Variants in PCDH15 observed in about 807,000 individuals in gnomAD.
PCDH15 encodes protocadherin related 15, also known as protocadherin-15.
A neutral mutation model predicts 178.5 loss-of-function variants in PCDH15; 129 were observed. The observed-to-expected ratio is 0.72, with a 90% confidence interval of 0.63 to 0.84. PCDH15 has a LOEUF of 0.84. Ranked by LOEUF, PCDH15 falls within the 40% of genes least tolerant of loss-of-function variation. The pLI, the probability that PCDH15 is intolerant of heterozygous loss-of-function variation, is 0.00. For synonymous variants in PCDH15, 800 were observed against 732.0 expected (o/e 1.09, Z -1.50); for missense variants, 2,230 against 2,099.9 (o/e 1.06, Z -1.21).
At chr10:54,519,679 C>G (rs1323757463) in intron 3 of PCDH15, among the ~76,000 whole-genome samples, 4 of 152,116 alleles carry the variant, frequency 2.6e-5, no homozygotes, top group African/African-American at 9.7e-5. Flanking sequence ...ATCAAGCTAT[C>G]AAGGACTTTC....
intron 2 of PCDH15, among the ~76,000 whole-genome samples, chr10:54,593,665 G>A (rs929482163): frequency 1.3e-5 from 2 of 151,992 alleles, no homozygotes; most frequent in Admixed American, 6.6e-5. Context: ...GGAGTTTATT[G>A]TGGTTCCATA....
At position 54,151,882 on chromosome 10, in the gene PCDH15, G is replaced by A. The variant is rs531306546; in HGVS notation, c.1784+1218C>T. 7.8e-4 allele frequency among the ~76,000 whole-genome samples: 118 copies of A among 152,236 alleles called. 1 individual carries two copies. Among genetic ancestry groups the A allele is most frequent in the African/African-American group, 2.8e-3 (115 of 41,550 alleles). The stretch of plus-strand genomic sequence containing the variant: ...ATTTTGGAGGGAAAACAGCATTGAG[G>A]TAAGTTAGTAGCACCAGAGGATAGA... On this transcript the variant is annotated intron_variant, in intron 14 of 37. Coordinates refer to ENST00000644397, the MANE Select transcript of PCDH15 (RefSeq NM_001384140.1).
intron 2 of PCDH15, among the ~76,000 whole-genome samples, chr10:55,094,128 A>G (rs999730531): frequency 3.9e-5 from 6 of 152,162 alleles, no homozygotes; most frequent in African/African-American, 1.4e-4. Flanking sequence ...AATAGCAAAG[A>G]CTTGGAACCA....
At chr10:55,428,291 TTATC>T (rs974322147) in intron 2 of PCDH15, among the ~76,000 whole-genome samples, 2 of 151,298 alleles carry the variant, frequency 1.3e-5, no homozygotes, top group African/African-American at 4.9e-5. Context: ...AATTGTGTAT[TTATC>T]TATTTCTTCT....
At chr10:54,808,029 T>C (rs1359141783) in intron 3 of PCDH15, among the ~76,000 whole-genome samples, 1 of 151,298 alleles carries the variant, frequency 6.6e-6, no homozygotes, top group Non-Finnish European at 1.5e-5. Context: ...TTTCAACAAA[T>C]ATTAGCCGAG....
chr10:54,389,987 T>G (rs764841484), intron 3 of PCDH15, among the ~76,000 whole-genome samples: 1 of 152,030 alleles, frequency 6.6e-6, no homozygotes, highest in Non-Finnish European at 1.5e-5. Context: ...TTCTGATGCT[T>G]GTTGAAATTT....
intron 2 of PCDH15, among the ~76,000 whole-genome samples, chr10:55,022,463 A>AC (rs1388111736): frequency 6.6e-6 from 1 of 151,466 alleles, no homozygotes; most frequent in African/African-American, 2.4e-5. Context: ...AAAAAAAAAA[A>AC]AAAAAAGGAA....
At chr10:54,369,426 G>A in intron 4 of PCDH15, 151 bp from the exon 5 acceptor site, 1 of 775,326 alleles carries the variant, frequency 1.3e-6, no homozygotes, top group Admixed American at 2.5e-5. Flanking sequence ...TTAAGGACAA[G>A]AGAAGACAAT....
intron 2 of PCDH15, among the ~76,000 whole-genome samples, chr10:55,054,373 C>A (rs556755880): frequency 3.3e-5 from 5 of 152,112 alleles, no homozygotes; most frequent in Non-Finnish European, 7.4e-5. Flanking sequence ...ATTTTTATGG[C>A]TGCATAGTAC....
At chr10:54,063,887 C>G (rs1175368351) in intron 18 of PCDH15, among the ~76,000 whole-genome samples, 1 of 152,184 alleles carries the variant, frequency 6.6e-6, no homozygotes, top group Admixed American at 6.5e-5. Flanking sequence ...GCACCCGCGT[C>G]TGGATGAGGG....
chr10:55,128,965 T>C (rs1009017560), intron 2 of PCDH15, among the ~76,000 whole-genome samples: 10 of 149,012 alleles, frequency 6.7e-5, no homozygotes, highest in Non-Finnish European at 1.5e-4. Flanking sequence ...TCCACATCAG[T>C]AGCCATGATC....
At chr10:54,572,360 C>A (rs956163510) in intron 2 of PCDH15, among the ~76,000 whole-genome samples, 8 of 152,008 alleles carry the variant, frequency 5.3e-5, no homozygotes, top group African/African-American at 1.7e-4. Context: ...CTAGGAGAAT[C>A]ACAAAGAGCT....
intron 13 of PCDH15, among the ~76,000 whole-genome samples, chr10:54,166,850 G>C (rs60459565): frequency 0.044 from 6,710 of 152,244 alleles, 478 homozygotes; most frequent in African/African-American, 0.15. Flanking sequence ...TGCCTTAAGT[G>C]ATGACATTAC....
intron 2 of PCDH15, among the ~76,000 whole-genome samples, chr10:54,919,179 T>C (rs1837420282): frequency 6.6e-6 from 1 of 152,184 alleles, no homozygotes; most frequent in South Asian, 2.1e-4. Context: ...GAATACTCTT[T>C]TTTTGGATTC....
intron 3 of PCDH15, among the ~76,000 whole-genome samples, chr10:54,867,101 T>A (rs1953956332): frequency 6.6e-6 from 1 of 152,164 alleles, no homozygotes; most frequent in South Asian, 2.1e-4. Context: ...TACCCACCAA[T>A]ATTTCCTTGG....
chr10:54,237,089 A>T (rs997643233), intron 8 of PCDH15, among the ~76,000 whole-genome samples, 158 bp from the exon 9 acceptor site: 5 of 152,158 alleles, frequency 3.3e-5, no homozygotes, highest in African/African-American at 1.2e-4. Context: ...TTAATTTTGA[A>T]TGTTAAGGGG....
intron 1 of PCDH15, among the ~76,000 whole-genome samples, chr10:54,676,934 C>T (rs956689092): frequency 1.3e-5 from 2 of 152,072 alleles, no homozygotes; most frequent in Non-Finnish European, 2.9e-5. Context: ...TAATGTGATG[C>T]CCATGGGCAA....
intron 30 of PCDH15, chr10:53,831,017 G>A: frequency 1.8e-6 from 1 of 545,490 alleles, no homozygotes; most frequent in Non-Finnish European, 3.4e-6. Context: ...TCTCTCCCAA[G>A]TTGGCTCTTA....
At chr10:53,841,229 A>G (rs1338087120) in intron 28 of PCDH15, among the ~76,000 whole-genome samples, 1 of 152,152 alleles carries the variant, frequency 6.6e-6, no homozygotes, top group African/African-American at 2.4e-5. Flanking sequence ...CTTATTAAAA[A>G]CTTTATATTA....
Sources: allele counts gnomAD v4.1 joint callset (sites outside exome capture counted in the v4.1 genomes callset), GRCh38; gene constraint gnomAD v4.1.1; transcripts MANE v1.5; gene names NCBI Gene and HGNC (gene_info 2026-07-23, HGNC 2026-07-21).